HDAC9: variants seen among roughly 807,000 people sequenced by gnomAD.
HDAC9 encodes histone deacetylase 9.
In HDAC9, 41 loss-of-function variants were observed where a neutral mutation model predicts 139.4. The ratio of observed to expected loss-of-function variants is 0.29; its 90% CI spans 0.23 to 0.38. The LOEUF (loss-of-function observed/expected upper bound fraction) is 0.38. Among genes scored for constraint, HDAC9 ranks in the 10% least tolerant of loss-of-function variants. HDAC9 has a pLI of 1.00. For missense variants in HDAC9, 1,147 were observed against 1,297.0 expected (o/e 0.88, Z 1.78); for synonymous variants, 517 against 476.2 (o/e 1.09, Z -1.12).
intron 1 of HDAC9, among the ~76,000 whole-genome samples, chr7:18,378,346 G>A (rs1463602986): frequency 4.6e-5 from 7 of 151,924 alleles, no homozygotes; most frequent in Non-Finnish European, 1.0e-4. Context: ...ATCCGTGTAT[G>A]TATTATATTA....
intron 22 of HDAC9, among the ~76,000 whole-genome samples, chr7:18,930,944 T>G (rs1420013860): frequency 2.0e-5 from 3 of 152,172 alleles, no homozygotes; most frequent in Non-Finnish European, 4.4e-5. Context: ...TGGATCGCTC[T>G]GTCTCTTTCT....
intron 11 of HDAC9, among the ~76,000 whole-genome samples, chr7:18,653,485 A>T (rs746009873): frequency 9.9e-5 from 15 of 152,116 alleles, no homozygotes; most frequent in Non-Finnish European, 2.1e-4. Flanking sequence ...GCTATCAGCC[A>T]ACACTTTTTT....
chr7:18,592,507 T>A (rs2519891), intron 5 of HDAC9, among the ~76,000 whole-genome samples: 121,757 of 152,006 alleles, frequency 0.8, 48,935 homozygotes, highest in South Asian at 0.91. Context: ...TGACCATATA[T>A]TTTTACACTT....
At chr7:18,096,110 C>A (rs1468388187) in intron 1 of HDAC9, among the ~76,000 whole-genome samples, 1 of 152,144 alleles carries the variant, frequency 6.6e-6, no homozygotes, top group Non-Finnish European at 1.5e-5. Flanking sequence ...ATTGTGGAGT[C>A]ATCGAATTCT....
chr7:18,226,067 A>G (rs796941724), intron 2 of HDAC9, among the ~76,000 whole-genome samples: 14 of 152,304 alleles, frequency 9.2e-5, no homozygotes, highest in African/African-American at 3.4e-4. Context: ...CTTTCCAGCT[A>G]TCTTGAAATG....
intron 17 of HDAC9, among the ~76,000 whole-genome samples, chr7:18,798,756 G>A (rs1178492171): frequency 6.6e-6 from 1 of 152,062 alleles, no homozygotes; most frequent in African/African-American, 2.4e-5. Context: ...TGCTTGAGGT[G>A]GTGGATAACA....
chr7:18,590,191 A>G, intron 3 of HDAC9, 145 bp from the exon 4 acceptor site: 1 of 866,210 alleles, frequency 1.2e-6, no homozygotes, highest in Non-Finnish European at 1.8e-6. Flanking sequence ...TTGTCCTTAG[A>G]TTTCAATGAT....
chr7:18,132,706 T>C (rs919937940), intron 1 of HDAC9, among the ~76,000 whole-genome samples: 2 of 152,196 alleles, frequency 1.3e-5, no homozygotes, highest in African/African-American at 2.4e-5. Context: ...ATGGCCTGTA[T>C]TCATTAAAAG....
intron 2 of HDAC9, among the ~76,000 whole-genome samples, chr7:18,547,861 C>CCTTCCTTCCTTCCTTCCTTCCTTCCT (rs1563230225): frequency 4.8e-5 from 1 of 20,992 alleles, no homozygotes; most frequent in African/African-American, 1.1e-4. Context: ...CCTTCCTACC[C>CCTTCCTTCCTTCCTTCCTTCCTTCCT]TCCCTCCCTC....
intron 12 of HDAC9, among the ~76,000 whole-genome samples, chr7:18,686,815 A>G (rs755053529): frequency 6.6e-6 from 1 of 151,844 alleles, no homozygotes; most frequent in Non-Finnish European, 1.5e-5. Flanking sequence ...TCTCACCTTC[A>G]TATGTAAAAA....
In HDAC9 at chr7:18,433,602, T is replaced by G. The variant is rs1051313498; in HGVS notation, c.-41-62660T>G. ...CACAAAATCAATGTGCAAAAATCAG[T>G]AGCACTTCTGTACACCAACAACATC... On this transcript the variant is annotated intron_variant, in intron 1 of 3. Transcript: ENST00000413509. Among the ~76,000 whole-genome samples the G allele has an allele frequency of 3.9e-5, 6 of 152,240 alleles. No individual in the cohort carries two copies. In the East Asian group the frequency reaches 1.2e-3, roughly 29 times the overall value.
At chr7:18,266,258 A>G (rs1203599754) in intron 2 of HDAC9, among the ~76,000 whole-genome samples, 1 of 152,172 alleles carries the variant, frequency 6.6e-6, no homozygotes. Flanking sequence ...CAATTTCAAA[A>G]ATTTAAAGTT....
chr7:18,640,459 CT>C (rs1785243814), intron 8 of HDAC9, among the ~76,000 whole-genome samples: 1 of 140,000 alleles, frequency 7.1e-6, no homozygotes, highest in South Asian at 2.3e-4. Context: ...ACTTTTTTGT[CT>C]TCTTAAGAGT....
intron 1 of HDAC9, among the ~76,000 whole-genome samples, chr7:18,428,908 A>G (rs1472358171): frequency 6.6e-6 from 1 of 152,150 alleles, no homozygotes; most frequent in Admixed American, 6.6e-5. Flanking sequence ...GCATTTGCTG[A>G]TCCCAGTGCT....
intron 21 of HDAC9, among the ~76,000 whole-genome samples, chr7:18,869,452 G>A (rs1043380251): frequency 4.6e-5 from 7 of 152,050 alleles, no homozygotes; most frequent in African/African-American, 1.7e-4. Flanking sequence ...GTTTCCTGAG[G>A]CCTCCCCAGA....
At chr7:18,795,238 TA>T (rs1792680535) in intron 17 of HDAC9, among the ~76,000 whole-genome samples, 1 of 116,660 alleles carries the variant, frequency 8.6e-6, no homozygotes, top group African/African-American at 3.8e-5. Flanking sequence ...AGGCATGGTT[TA>T]AAAAGAAAAG....
intron 25 of HDAC9, among the ~76,000 whole-genome samples, chr7:18,981,459 TCTAA>T (rs1157727034): frequency 1.3e-5 from 2 of 152,062 alleles, no homozygotes; most frequent in African/African-American, 2.4e-5. Context: ...CAGTCAGAAA[TCTAA>T]CTAACCCAGG....
intron 22 of HDAC9, among the ~76,000 whole-genome samples, chr7:18,894,652 G>A (rs769809205): frequency 6.6e-6 from 1 of 152,076 alleles, no homozygotes; most frequent in African/African-American, 2.4e-5. Context: ...GAGATCAATG[G>A]AGCAGTAGGT....
At chr7:18,409,728 A>G (rs1345831303) in intron 1 of HDAC9, among the ~76,000 whole-genome samples, 5 of 152,234 alleles carry the variant, frequency 3.3e-5, no homozygotes, top group African/African-American at 1.2e-4. Context: ...ATGTGATTCC[A>G]CATAATGAAC....
Sources: gnomAD v4.1 joint callset for allele counts (sites outside exome capture counted in the v4.1 genomes callset) on GRCh38, gnomAD v4.1.1 for gene constraint, MANE v1.5 for transcripts, NCBI Gene and HGNC (gene_info 2026-07-23, HGNC 2026-07-21) for gene names.